C3orf33: variants seen among roughly 807,000 people sequenced by gnomAD.
C3orf33 encodes AP-1 activity suppressor.
In C3orf33, 23 loss-of-function variants were observed where a neutral mutation model predicts 28.7. The ratio of observed to expected loss-of-function variants is 0.80; its 90% CI spans 0.58 to 1.13. The LOEUF is 1.13. Among genes scored for constraint, C3orf33 ranks in the 50% most tolerant of loss-of-function variants. C3orf33 has a pLI of 0.00. For missense variants in C3orf33, 327 were observed against 353.4 expected (o/e 0.93, Z 0.60); for synonymous variants, 119 against 120.5 (o/e 0.99, Z 0.08).
intron 3 of C3orf33, among the ~76,000 whole-genome samples, chr3:155,768,455 C>CA (rs1750480443): frequency 6.6e-6 from 1 of 152,132 alleles, no homozygotes; most frequent in Admixed American, 6.6e-5. Flanking sequence ...AGGATTTTAT[C>CA]AATTGATATT....
chr3:155,769,169 A>G (rs2109251758), intron 3 of C3orf33, among the ~76,000 whole-genome samples: 1 of 152,264 alleles, frequency 6.6e-6, no homozygotes, highest in Non-Finnish European at 1.5e-5. Context: ...GAAATTAGCC[A>G]GGCATGGTGG....
Position 155,788,544 on chromosome 3 carries a change from G to A in C3orf33, c.175-12696C>T, listed in dbSNP as rs941132534. Among the ~76,000 whole-genome samples, 3 of 151,964 alleles carry A rather than the reference G, an allele frequency of 2.0e-5. No individual in the cohort carries two copies. The East Asian group carries it at 5.8e-4, about 29-fold the overall frequency. On this transcript the variant is annotated intron_variant, in intron 2 of 4. Transcript: ENST00000340171. ...CTAAAAATACAAAAATTAGCTGGCT[G>A]TGGTGGCACAGCCTGTAATCCCAGC... is the stretch of plus-strand genomic sequence containing the variant.
At chr3:155,778,497 C>T (rs1750821147) in intron 2 of C3orf33, among the ~76,000 whole-genome samples, 1 of 152,046 alleles carries the variant, frequency 6.6e-6, no homozygotes, top group Non-Finnish European at 1.5e-5. Flanking sequence ...AAAATGTTAA[C>T]AACTGGTGAA....
chr3:155,787,418 C>T (rs544388638), intron 2 of C3orf33, among the ~76,000 whole-genome samples: 2 of 148,024 alleles, frequency 1.4e-5, no homozygotes, highest in African/African-American at 2.5e-5. Context: ...GGCATGATCT[C>T]GGCTCACTGT....
At chr3:155,768,131 C>T (rs1256424648) in intron 3 of C3orf33, among the ~76,000 whole-genome samples, 3 of 152,154 alleles carry the variant, frequency 2.0e-5, no homozygotes, top group Admixed American at 6.6e-5. Flanking sequence ...CCACCCACCT[C>T]GGCCTCCCAA....
At chr3:155,794,022 G>T (rs1559998685) in intron 2 of C3orf33, among the ~76,000 whole-genome samples, 1 of 150,718 alleles carries the variant, frequency 6.6e-6, no homozygotes, top group Admixed American at 6.6e-5. Flanking sequence ...CACTCAGTCT[G>T]GCCCAGGCTG....
chr3:155,767,523 G>T lies in C3orf33; in HGVS notation c.469C>A (p.Leu157Ile). Residue 157 changes from leucine to isoleucine, a missense_variant, in exon 4 of 5, where the codon CTT (leucine) becomes ATT (isoleucine). Leu to Ile is a conservative substitution (Grantham distance 5, BLOSUM62 2). Transcript: ENST00000340171. ...GKENSALFCY[L>I]LVSKGGYFSV... ...ACATTGCTTACCTTACTCACCAGAA[G>T]ATAGCAAAAGAGTGCTGAATTCTCC... The T allele has an allele frequency of 6.4e-7, 1 of 1,565,296 alleles. No individual in the cohort carries two copies. The highest frequency in any genetic ancestry group is 8.7e-7 in the Non-Finnish European group (1 of 1,150,012).
At chr3:155,802,741 C>T (rs1420879278) in intron 1 of C3orf33, 150 bp from the exon 2 acceptor site, 2 of 571,070 alleles carry the variant, frequency 3.5e-6, no homozygotes, top group African/African-American at 4.0e-5. Flanking sequence ...CCCACTTCTT[C>T]AAAAACTGTC....
intron 2 of C3orf33, among the ~76,000 whole-genome samples, chr3:155,790,021 G>A (rs911280554): frequency 6.6e-6 from 1 of 151,836 alleles, no homozygotes; most frequent in African/African-American, 2.4e-5. Context: ...AAAATTAGCC[G>A]GATGTAGTGG....
At chr3:155,775,242 C>A (rs1041169691) in intron 3 of C3orf33, among the ~76,000 whole-genome samples, 4 of 152,124 alleles carry the variant, frequency 2.6e-5, no homozygotes, top group Non-Finnish European at 4.4e-5. Context: ...GTAATCCCAG[C>A]ACTTTTGGAG....
chr3:155,773,921 A>T (rs1750661985), intron 3 of C3orf33, among the ~76,000 whole-genome samples: 1 of 152,234 alleles, frequency 6.6e-6, no homozygotes, highest in Non-Finnish European at 1.5e-5. Flanking sequence ...ACACTCATTA[A>T]AACTGTATAA....
chr3:155,781,625 C>T (rs545253961), intron 2 of C3orf33, among the ~76,000 whole-genome samples: 15 of 151,200 alleles, frequency 9.9e-5, no homozygotes, highest in Admixed American at 4.0e-4. Flanking sequence ...AAAAATTAGC[C>T]GGGTGTGGTG....
At chr3:155,770,250 G>A (rs977412822) in intron 3 of C3orf33, among the ~76,000 whole-genome samples, 1 of 152,164 alleles carries the variant, frequency 6.6e-6, no homozygotes, top group African/African-American at 2.4e-5. Context: ...GAGACCCACT[G>A]AACAGCACGT....
intron 3 of C3orf33, among the ~76,000 whole-genome samples, chr3:155,773,755 G>T (rs1318205638): frequency 6.6e-6 from 1 of 152,204 alleles, no homozygotes; most frequent in Non-Finnish European, 1.5e-5. Flanking sequence ...CACAGGTGAT[G>T]ATCTGGCTGG....
chr3:155,793,791 CAG>C (rs1384466592), intron 2 of C3orf33, among the ~76,000 whole-genome samples: 1 of 95,246 alleles, frequency 1.0e-5, no homozygotes, highest in Non-Finnish European at 2.0e-5. Flanking sequence ...CCCTGGGAGA[CAG>C]AGTGAGACTC....
At chr3:155,781,832 C>T (rs1364778260) in intron 2 of C3orf33, among the ~76,000 whole-genome samples, 1 of 147,086 alleles carries the variant, frequency 6.8e-6, no homozygotes, top group Non-Finnish European at 1.5e-5. Context: ...AATCCCAGCA[C>T]TTTGGGAGGC....
At chr3:155,804,838 TCCCTTCAACAC>T (rs1158393483) in intron 1 of C3orf33, among the ~76,000 whole-genome samples, 2 of 152,222 alleles carry the variant, frequency 1.3e-5, no homozygotes, top group African/African-American at 4.8e-5. Flanking sequence ...GGTTCTGATC[TCCCTTCAACAC>T]CGGACCCCAT....
At chr3:155,802,729 G>T (rs889545369) in intron 1 of C3orf33, 138 bp from the exon 2 acceptor site, 10 of 593,582 alleles carry the variant, frequency 1.7e-5, no homozygotes, top group Non-Finnish European at 2.6e-5. Flanking sequence ...TTCAAATAAA[G>T]GCCCACTTCT....
At chr3:155,793,528 G>C (rs1751378053) in intron 2 of C3orf33, among the ~76,000 whole-genome samples, 1 of 151,940 alleles carries the variant, frequency 6.6e-6, no homozygotes, top group Non-Finnish European at 1.5e-5. Context: ...TGAGTAGAAA[G>C]GCCAGGCGCA....
Sources: allele counts gnomAD v4.1 joint callset (sites outside exome capture counted in the v4.1 genomes callset), GRCh38; gene constraint gnomAD v4.1.1; transcripts MANE v1.5; gene names NCBI Gene and HGNC (gene_info 2026-07-23, HGNC 2026-07-21).